CHCHD6: variants seen among roughly 807,000 people sequenced by gnomAD.
The protein encoded by CHCHD6 is coiled-coil-helix-coiled-coil-helix domain containing 6.
A neutral mutation model predicts 32.3 loss-of-function variants in CHCHD6; 28 were observed. That is an observed-to-expected ratio of 0.87 (90% CI 0.64 to 1.19). The LOEUF (loss-of-function observed/expected upper bound fraction) is 1.19. Among genes scored for constraint, CHCHD6 ranks in the 50% most tolerant of loss-of-function variants. The probability of loss-of-function intolerance (pLI) is 0.00; values close to 1 mark genes in which losing one functional copy is unlikely to be tolerated. For synonymous variants in CHCHD6, 122 were observed against 117.5 expected (o/e 1.04, Z -0.25); for missense variants, 333 against 307.0 (o/e 1.08, Z -0.63).
At chr3:126,907,817 A>G (rs375569152) in intron 5 of CHCHD6, among the ~76,000 whole-genome samples, 54 of 152,106 alleles carry the variant, frequency 3.6e-4, no homozygotes, top group African/African-American at 1.3e-3. Flanking sequence ...TGGGCTGCAC[A>G]TTTTTCTACG....
At chr3:126,764,631 G>A (rs1263525220) in intron 4 of CHCHD6, among the ~76,000 whole-genome samples, 1 of 152,160 alleles carries the variant, frequency 6.6e-6, no homozygotes, top group East Asian at 1.9e-4. Context: ...CGCCCAGGGC[G>A]GCTCCTGCAA....
At chr3:126,921,227 G>C (rs543076606) in intron 6 of CHCHD6, among the ~76,000 whole-genome samples, 1 of 152,162 alleles carries the variant, frequency 6.6e-6, no homozygotes, top group Non-Finnish European at 1.5e-5. Flanking sequence ...CCCAGCATAT[G>C]TCAAGATCTC....
At chr3:126,860,091 TGA>T (rs1266118820) in intron 5 of CHCHD6, among the ~76,000 whole-genome samples, 1 of 151,848 alleles carries the variant, frequency 6.6e-6, no homozygotes, top group African/African-American at 2.4e-5. Context: ...CTTCTGTGAG[TGA>T]GAGAGGCCCA....
In CHCHD6 at chr3:126,767,300, C is replaced by T; in HGVS notation, c.411+34078C>T. Reference sequence around the variant, plus strand: ...GCCCAGCTGCCCCATCTTGTTCTCCCCAAACGCAAACACGGAGCCCATTTC... The same window carrying T: ...GCCCAGCTGCCCCATCTTGTTCTCCTCAAACGCAAACACGGAGCCCATTTC... On this transcript the variant is annotated intron_variant, in intron 4 of 7. Coordinates refer to ENST00000290913, the MANE Select transcript of CHCHD6 (RefSeq NM_032343.3). 6.2e-6 allele frequency: 7 copies of T among 1,126,278 alleles called. No homozygotes were observed. The South Asian group carries it at 8.6e-5, about 14-fold the overall frequency. 69.8% of individuals were successfully genotyped at this position (1,126,278 alleles called of 1,614,324 possible). A position where few individuals can be genotyped will look rare whatever the true frequency, so the allele number is the denominator to read the frequency against.
intron 6 of CHCHD6, among the ~76,000 whole-genome samples, chr3:126,927,747 A>G (rs2078345479): frequency 6.6e-6 from 1 of 152,218 alleles, no homozygotes; most frequent in Admixed American, 6.5e-5. Context: ...GAGGGATTAA[A>G]TGTTATTACA....
chr3:126,756,040 A>G (rs1200206968), intron 4 of CHCHD6, among the ~76,000 whole-genome samples: 1 of 152,118 alleles, frequency 6.6e-6, no homozygotes, highest in Non-Finnish European at 1.5e-5. Context: ...GGGTCTGTGC[A>G]GGGCTCGGAG....
Position 126,714,867 on chromosome 3 carries a change from C to T in CHCHD6, c.87+10468C>T, listed in dbSNP as rs533611181. On this transcript the variant is annotated intron_variant, in intron 1 of 7. Transcript: ENST00000290913. ...ACTCTCTTCATCCTCAGAGTGAGGA[C>T]GATGACACCGCTCCTGCCTGTGATG... Among the ~76,000 whole-genome samples, 14 of 152,220 alleles carry T rather than the reference C, an allele frequency of 9.2e-5. No individual in the cohort carries two copies. In the South Asian group the frequency reaches 2.3e-3, roughly 25 times the overall value.
chr3:126,860,434 G>A (rs945129891), intron 5 of CHCHD6, among the ~76,000 whole-genome samples: 4 of 150,318 alleles, frequency 2.7e-5, no homozygotes, highest in African/African-American at 4.9e-5. Context: ...ATCACACACC[G>A]GGGCCTGTTG....
intron 4 of CHCHD6, among the ~76,000 whole-genome samples, chr3:126,744,953 TGGCAGAG>T (rs1559818651): frequency 6.6e-6 from 1 of 152,212 alleles, no homozygotes; most frequent in Non-Finnish European, 1.5e-5. Flanking sequence ...CTCCTCGTGG[TGGCAGAG>T]GGCTGCTGTG....
intron 5 of CHCHD6, among the ~76,000 whole-genome samples, chr3:126,906,303 G>C (rs2078004704): frequency 6.6e-6 from 1 of 152,042 alleles, no homozygotes; most frequent in Non-Finnish European, 1.5e-5. Flanking sequence ...CCTCCAGGCT[G>C]ATGGCCACTT....
intron 6 of CHCHD6, among the ~76,000 whole-genome samples, chr3:126,933,072 C>T (rs557879372): frequency 2.0e-5 from 3 of 152,198 alleles, no homozygotes; most frequent in East Asian, 3.9e-4. Flanking sequence ...GACTGACCCA[C>T]GGTTCTGAAA....
chr3:126,913,529 G>T (rs2078126057), intron 5 of CHCHD6, among the ~76,000 whole-genome samples: 1 of 152,100 alleles, frequency 6.6e-6, no homozygotes, highest in African/African-American at 2.4e-5. Flanking sequence ...GAGTAGATGT[G>T]GTTGTGTCTG....
At chr3:126,951,923 G>A (rs1347818576) in intron 6 of CHCHD6, among the ~76,000 whole-genome samples, 2 of 152,218 alleles carry the variant, frequency 1.3e-5, no homozygotes, top group African/African-American at 4.8e-5. Context: ...GTGAACTTGA[G>A]CAAGTTACTG....
chr3:126,931,889 G>T (rs750716443), intron 6 of CHCHD6, among the ~76,000 whole-genome samples: 5 of 152,222 alleles, frequency 3.3e-5, no homozygotes, highest in South Asian at 2.1e-4. Context: ...ACTTAAACCC[G>T]CCTGGGACGG....
rs538626194 is a variant in CHCHD6, at chr3:126,872,558, ACT to A, written c.495+19829_495+19830del. 4.4e-3 allele frequency among the ~76,000 whole-genome samples: 664 copies of A among 152,218 alleles called. 4 individuals are homozygous for A. The highest frequency in any genetic ancestry group is 0.015 in the African/African-American group (639 of 41,514). On this transcript the variant is annotated intron_variant, in intron 5 of 7. Transcript: ENST00000290913. Reference sequence around the variant, plus strand: ...GGTTTAAGGCCCACCTTTGAGAAACACTGTTTAGAATCTTAGGTTAGAAGCTG... The same window carrying A: ...GGTTTAAGGCCCACCTTTGAGAAACAGTTTAGAATCTTAGGTTAGAAGCTG...
At position 126,762,150 on chromosome 3, in the gene CHCHD6, C is replaced by T. The variant is rs974125164; in HGVS notation, c.411+28928C>T. On this transcript the variant is annotated intron_variant, in intron 4 of 7. Transcript: ENST00000290913. Reference sequence around the variant, plus strand: ...TTTCTATTCTCTGCTTCATTTATCTCCACTCTAATAATCTTTATTATTTCC... The same window carrying T: ...TTTCTATTCTCTGCTTCATTTATCTTCACTCTAATAATCTTTATTATTTCC... Among the ~76,000 whole-genome samples the T allele has an allele frequency of 2.0e-5, 3 of 152,088 alleles. 1 individual carries two copies. The highest frequency in any genetic ancestry group is 2.0e-4 in the Admixed American group (3 of 15,268).
At chr3:126,941,980 T>C (rs929155421) in intron 6 of CHCHD6, among the ~76,000 whole-genome samples, 2 of 152,196 alleles carry the variant, frequency 1.3e-5, no homozygotes, top group African/African-American at 2.4e-5. Context: ...CATCATCAGC[T>C]CCTTCATATG....
At chr3:126,849,488 G>A (rs1370551745) in intron 4 of CHCHD6, among the ~76,000 whole-genome samples, 5 of 152,218 alleles carry the variant, frequency 3.3e-5, no homozygotes, top group Admixed American at 1.3e-4. Flanking sequence ...TGTGTTGACT[G>A]GAGGAGGTCC....
intron 4 of CHCHD6, among the ~76,000 whole-genome samples, chr3:126,768,094 C>A (rs1009342425): frequency 2.6e-5 from 4 of 152,162 alleles, no homozygotes; most frequent in Admixed American, 2.0e-4. Flanking sequence ...CCGCCCAAAT[C>A]TCATGTCGAA....
Sources: gnomAD v4.1 joint callset for allele counts (sites outside exome capture counted in the v4.1 genomes callset) on GRCh38, gnomAD v4.1.1 for gene constraint, MANE v1.5 for transcripts, NCBI Gene and HGNC (gene_info 2026-07-23, HGNC 2026-07-21) for gene names.